Variants in VPS35L observed in about 807,000 individuals in gnomAD.
VPS35L encodes VPS35 endosomal protein-sorting factor-like.
A neutral mutation model predicts 133.0 loss-of-function variants in VPS35L; 83 were observed. The ratio of observed to expected loss-of-function variants is 0.62; its 90% CI spans 0.52 to 0.75. VPS35L has a LOEUF of 0.75. Ranked by LOEUF, VPS35L falls within the 30% of genes least tolerant of loss-of-function variation. VPS35L has a pLI of 0.00. For synonymous variants in VPS35L, 423 were observed against 449.9 expected (o/e 0.94, Z 0.76); for missense variants, 1,083 against 1,206.8 (o/e 0.90, Z 1.52).
intron 3 of VPS35L, among the ~76,000 whole-genome samples, 196 bp from the exon 4 acceptor site, chr16:19,572,923 C>T (rs1210943563): frequency 6.6e-6 from 1 of 152,148 alleles, no homozygotes; most frequent in Non-Finnish European, 1.5e-5. Flanking sequence ...GATCCGTCCA[C>T]CTTGGCCTCC....
intron 27 of VPS35L, among the ~76,000 whole-genome samples, chr16:19,674,184 CTTTTTTTTTTT>C (rs201038834): frequency 1.6e-4 from 11 of 70,906 alleles, no homozygotes; most frequent in African/African-American, 1.9e-4. Flanking sequence ...TTTTCTTTTT[CTTTTTTTTTTT>C]TTTTTTTTTT....
At chr16:19,646,460 G>C (rs368609462) in intron 23 of VPS35L, among the ~76,000 whole-genome samples, 3 of 152,140 alleles carry the variant, frequency 2.0e-5, no homozygotes, top group East Asian at 3.9e-4. Context: ...CCTGCGGTCA[G>C]GTCGAGACCA....
chr16:19,682,820 C>T (rs1291519076), intron 28 of VPS35L, among the ~76,000 whole-genome samples: 1 of 152,156 alleles, frequency 6.6e-6, no homozygotes, highest in African/African-American at 2.4e-5. Context: ...CAAGATGGCA[C>T]CACTGTACTC....
In VPS35L at chr16:19,621,942, G is replaced by A. The variant is rs1273152616; in HGVS notation, c.1225-4235G>A. Reference sequence around the variant, plus strand: ...CTAGTTAATCTTTCCAGAATTGGTGGGCCAGGAGGTCTCATTTATGTGTGT... The same window carrying A: ...CTAGTTAATCTTTCCAGAATTGGTGAGCCAGGAGGTCTCATTTATGTGTGT... On this transcript the variant is annotated intron_variant, in intron 14 of 30. Coordinates refer to ENST00000417362, the MANE Select transcript of VPS35L (RefSeq NM_020314.7). 2.0e-5 allele frequency among the ~76,000 whole-genome samples: 3 copies of A among 151,972 alleles called. No homozygotes were observed. In the East Asian group the frequency reaches 5.8e-4, roughly 29 times the overall value.
At chr16:19,678,658 A>G (rs1975148009) in intron 27 of VPS35L, among the ~76,000 whole-genome samples, 1 of 151,872 alleles carries the variant, frequency 6.6e-6, no homozygotes, top group Non-Finnish European at 1.5e-5. Context: ...TTGTATTTTT[A>G]GTATAGATGG....
intron 1 of VPS35L, among the ~76,000 whole-genome samples, chr16:19,558,389 G>A (rs1970926297): frequency 6.6e-6 from 1 of 152,194 alleles, no homozygotes; most frequent in African/African-American, 2.4e-5. Flanking sequence ...GAAGCCAGAG[G>A]CTATGATAGT....
In VPS35L at chr16:19,691,420, G is replaced by C; in HGVS notation, c.2595G>C (p.Glu865Asp). ...KFLAENNKLC[E>D]TVMAQILEHL... ...TGGCAGAAAACAACAAGCTGTGTGA[G>C]ACGGTGATGGCTCAGATCCTAGAGC... Residue 865 changes from glutamate (E) to aspartate (D), a missense_variant, in exon 29 of 31, where the codon GAG becomes GAC. Glu to Asp is a conservative substitution (Grantham distance 45). Coordinates refer to ENST00000417362, the MANE Select transcript of VPS35L (RefSeq NM_020314.7). The C allele has an allele frequency of 6.2e-7, 1 of 1,614,090 alleles. No homozygotes were observed. Among genetic ancestry groups the C allele is most frequent in the Non-Finnish European group, 8.5e-7 (1 of 1,179,972 alleles).
At chr16:19,613,072 G>A (rs1347179373) in intron 12 of VPS35L, among the ~76,000 whole-genome samples, 3 of 152,116 alleles carry the variant, frequency 2.0e-5, no homozygotes, top group South Asian at 2.1e-4. Context: ...AGGCCGAGGC[G>A]GGCAGATCAC....
chr16:19,602,297 G>A (rs1972408728), intron 9 of VPS35L, among the ~76,000 whole-genome samples: 1 of 151,990 alleles, frequency 6.6e-6, no homozygotes, highest in East Asian at 1.9e-4. Flanking sequence ...AGCATCCTTT[G>A]CCTTTATTCC....
At position 19,688,646 on chromosome 16, in the gene VPS35L, C is replaced by T. The variant is rs553315394; in HGVS notation, c.2528-2707C>T. 9.5e-4 allele frequency among the ~76,000 whole-genome samples: 145 copies of T among 152,328 alleles called. 3 individuals are homozygous for T. The South Asian group carries it at 0.03, about 31-fold the overall frequency. On this transcript the variant is annotated intron_variant, in intron 28 of 30. Transcript: ENST00000417362. ...ACTGAGTGCTGTGTTGGCTCCAGAG[C>T]TCTCCCTTTAGCCTGGGGGTTCAGA...
At chr16:19,680,770 C>G (rs138460775) in intron 27 of VPS35L, among the ~76,000 whole-genome samples, 1 of 152,016 alleles carries the variant, frequency 6.6e-6, no homozygotes, top group Non-Finnish European at 1.5e-5. Flanking sequence ...ATTCGCCAAG[C>G]GTGGTGGTAT....
At chr16:19,661,223 C>T (rs60075052) in intron 26 of VPS35L, among the ~76,000 whole-genome samples, 7,245 of 150,794 alleles carry the variant, frequency 0.048, 567 homozygotes, top group African/African-American at 0.16. Context: ...TCTGTTTCTT[C>T]TTTTTTTTTG....
At chr16:19,609,109 C>T in intron 11 of VPS35L, 88 bp downstream of exon 11, 1 of 1,130,036 alleles carries the variant, frequency 8.8e-7, no homozygotes, top group South Asian at 1.3e-5. Context: ...TAATAGTAGC[C>T]ATTATTCACT....
At chr16:19,688,511 G>A (rs1975545367) in intron 28 of VPS35L, among the ~76,000 whole-genome samples, 1 of 152,206 alleles carries the variant, frequency 6.6e-6, no homozygotes, top group South Asian at 2.1e-4. Flanking sequence ...GCACAGGCAT[G>A]GCTCTTGGTT....
intron 3 of VPS35L, among the ~76,000 whole-genome samples, chr16:19,572,226 G>A (rs958208452): frequency 2.6e-5 from 4 of 152,034 alleles, no homozygotes; most frequent in East Asian, 3.9e-4. Context: ...GAGACCAGCC[G>A]GACCAACGTG....
chr16:19,656,096 C>T (rs1360127956), intron 26 of VPS35L, among the ~76,000 whole-genome samples: 2 of 151,794 alleles, frequency 1.3e-5, no homozygotes, highest in East Asian at 3.9e-4. Context: ...AACCCCGTCT[C>T]TACTAAAAAT....
chr16:19,660,417 T>A (rs958116184), intron 26 of VPS35L, among the ~76,000 whole-genome samples: 2 of 152,190 alleles, frequency 1.3e-5, no homozygotes, highest in African/African-American at 2.4e-5. Context: ...TTTCCTGAGT[T>A]ACCTAGGAGG....
chr16:19,608,886 CCTACTT>C, intron 10 of VPS35L, 82 bp from the exon 11 acceptor site: 1 of 1,210,174 alleles, frequency 8.3e-7, no homozygotes, highest in East Asian at 2.4e-5. Flanking sequence ...CTAAGACCCG[CCTACTT>C]CTATTCATGG....
intron 26 of VPS35L, among the ~76,000 whole-genome samples, chr16:19,653,612 G>C (rs770845239): frequency 1.2e-4 from 18 of 152,240 alleles, no homozygotes; most frequent in Non-Finnish European, 2.4e-4. Flanking sequence ...GAATGCCGGG[G>C]CAGTTCCATA....
Sources: gnomAD v4.1 joint callset for allele counts (sites outside exome capture counted in the v4.1 genomes callset) on GRCh38, gnomAD v4.1.1 for gene constraint, MANE v1.5 for transcripts, NCBI Gene and HGNC (gene_info 2026-07-23, HGNC 2026-07-21) for gene names.